Variants in NELL1 observed in about 807,000 individuals in gnomAD.
The protein encoded by NELL1 is neural EGFL like 1.
A neutral mutation model predicts 107.4 loss-of-function variants in NELL1; 76 were observed. The ratio of observed to expected loss-of-function variants is 0.71; its 90% CI spans 0.59 to 0.86. The LOEUF (loss-of-function observed/expected upper bound fraction) is 0.86. NELL1 is among the 40% of genes least tolerant of loss of function. The pLI is 0.00. For synonymous variants in NELL1, 353 were observed against 341.2 expected, an observed-to-expected ratio of 1.03 and a Z score of -0.38; for missense variants, 1,024 against 1,005.5, an observed-to-expected ratio of 1.02 and a Z score of -0.25.
Position 21,222,581 on chromosome 11 carries a change from G to GT in NELL1, c.1427-6749dup, listed in dbSNP as rs1272087122. Among the ~76,000 whole-genome samples, 5 of 151,994 alleles carry GT rather than the reference G, an allele frequency of 3.3e-5. No homozygotes were observed. In the East Asian group the frequency reaches 9.6e-4, roughly 29 times the overall value. ...TTTCCTTCTACTAATTTTGGGTTTG[G>GT]TTGGCTCTTGCTTTTGAAATCACTT... On this transcript the variant is annotated intron_variant, in intron 13 of 19. Transcript: ENST00000357134.
At chr11:21,480,293 T>C (rs931131243) in intron 15 of NELL1, among the ~76,000 whole-genome samples, 6 of 152,158 alleles carry the variant, frequency 3.9e-5, no homozygotes, top group Non-Finnish European at 7.4e-5. Context: ...TCTTATTAAA[T>C]TGGGGATAAG....
intron 12 of NELL1, among the ~76,000 whole-genome samples, chr11:21,107,402 GT>G (rs1293680122): frequency 5.9e-5 from 9 of 152,110 alleles, no homozygotes; most frequent in African/African-American, 1.9e-4. Context: ...ACACCACTGT[GT>G]TTTTATAGCT....
intron 12 of NELL1, among the ~76,000 whole-genome samples, chr11:21,050,150 A>G (rs1004677201): frequency 5.9e-5 from 9 of 152,298 alleles, no homozygotes; most frequent in Non-Finnish European, 8.8e-5. Context: ...CAGCAGTATT[A>G]TTAACTTGGC....
At chr11:21,492,385 C>T (rs1854845760) in intron 15 of NELL1, among the ~76,000 whole-genome samples, 1 of 151,988 alleles carries the variant, frequency 6.6e-6, no homozygotes, top group Non-Finnish European at 1.5e-5. Context: ...CCCAGCCATC[C>T]CATTTACTGG....
intron 15 of NELL1, among the ~76,000 whole-genome samples, chr11:21,409,216 T>G (rs1328197831): frequency 1.3e-5 from 2 of 152,016 alleles, no homozygotes; most frequent in East Asian, 1.9e-4. Context: ...ATTAAGAAAA[T>G]GTGGCACATA....
chr11:21,311,089 AT>A (rs1198827233), intron 14 of NELL1, among the ~76,000 whole-genome samples: 1 of 152,110 alleles, frequency 6.6e-6, no homozygotes, highest in African/African-American at 2.4e-5. Context: ...ATAGTGTTTA[AT>A]GACTCTGAAG....
At chr11:21,143,104 T>G (rs893386885) in intron 13 of NELL1, among the ~76,000 whole-genome samples, 10 of 152,002 alleles carry the variant, frequency 6.6e-5, no homozygotes, top group Admixed American at 3.9e-4. Context: ...TGCACGTGAG[T>G]CTCCAGGCCA....
chr11:20,835,201 T>C (rs950935145), intron 3 of NELL1, among the ~76,000 whole-genome samples: 18 of 152,198 alleles, frequency 1.2e-4, no homozygotes, highest in Non-Finnish European at 1.9e-4. Flanking sequence ...CCGTTCAAGA[T>C]TGGATCTCCT....
At chr11:21,129,958 G>A (rs1855577205) in intron 13 of NELL1, among the ~76,000 whole-genome samples, 1 of 151,982 alleles carries the variant, frequency 6.6e-6, no homozygotes, top group Non-Finnish European at 1.5e-5. Context: ...AAAACATTGG[G>A]GAAAAAATGC....
chr11:21,405,816 C>A (rs542132797), intron 15 of NELL1, among the ~76,000 whole-genome samples: 1 of 152,064 alleles, frequency 6.6e-6, no homozygotes, highest in South Asian at 2.1e-4. Flanking sequence ...TTTCCTTCCC[C>A]CAACCTTTCC....
chr11:21,067,595 T>C (rs1475485357), intron 12 of NELL1, among the ~76,000 whole-genome samples: 1 of 152,190 alleles, frequency 6.6e-6, no homozygotes, highest in African/African-American at 2.4e-5. Context: ...GGGAAAAAGA[T>C]GTGTTAACGA....
intron 14 of NELL1, among the ~76,000 whole-genome samples, chr11:21,364,396 G>A (rs774217493): frequency 9.0e-4 from 95 of 105,868 alleles, no homozygotes; most frequent in Non-Finnish European, 1.3e-3. Context: ...GGGAGACACA[G>A]CAAGACTCTG....
At chr11:21,277,068 A>G (rs1848881271) in intron 14 of NELL1, among the ~76,000 whole-genome samples, 1 of 151,612 alleles carries the variant, frequency 6.6e-6, no homozygotes, top group Non-Finnish European at 1.5e-5. Flanking sequence ...TAAACTAAAG[A>G]GCTTCTGCAC....
chr11:21,360,893 G>A (rs774445939), intron 14 of NELL1, among the ~76,000 whole-genome samples: 2 of 152,120 alleles, frequency 1.3e-5, no homozygotes, highest in Admixed American at 6.5e-5. Context: ...TACTTGTTTG[G>A]TGGACTTCTA....
chr11:21,483,023 T>C (rs954503288), intron 15 of NELL1, among the ~76,000 whole-genome samples: 1 of 152,044 alleles, frequency 6.6e-6, no homozygotes, highest in East Asian at 1.9e-4. Context: ...AGTCTTGCTC[T>C]GTCGCCCAGG....
At chr11:21,293,603 G>A (rs1163151989) in intron 14 of NELL1, among the ~76,000 whole-genome samples, 1 of 151,974 alleles carries the variant, frequency 6.6e-6, no homozygotes, top group Non-Finnish European at 1.5e-5. Context: ...AGGTTTGTAA[G>A]TCATTCTACT....
intron 19 of NELL1, 125 bp from the exon 20 acceptor site, chr11:21,574,847 C>T (rs1357764122): frequency 2.7e-6 from 2 of 745,480 alleles, no homozygotes; most frequent in East Asian, 2.7e-5. Flanking sequence ...TTTTTCTAGT[C>T]ATTTTTTATA....
chr11:20,699,376 T>G (rs1172201223), intron 2 of NELL1, among the ~76,000 whole-genome samples: 1 of 152,112 alleles, frequency 6.6e-6, no homozygotes, highest in East Asian at 1.9e-4. Context: ...TTTCTTTTTT[T>G]TTGAGATGGA....
intron 4 of NELL1, among the ~76,000 whole-genome samples, chr11:20,875,846 G>A (rs1849294477): frequency 6.6e-6 from 1 of 152,144 alleles, no homozygotes; most frequent in Non-Finnish European, 1.5e-5. Flanking sequence ...TCCAGATGAG[G>A]AGAGAAAAAG....
Sources: gnomAD v4.1 joint callset for allele counts (sites outside exome capture counted in the v4.1 genomes callset) on GRCh38, gnomAD v4.1.1 for gene constraint, MANE v1.5 for transcripts, NCBI Gene and HGNC (gene_info 2026-07-23, HGNC 2026-07-21) for gene names.